Variants in ALDH1A2 observed in about 807,000 individuals in gnomAD.
The protein encoded by ALDH1A2 is retinal dehydrogenase 2.
A neutral mutation model predicts 60.3 loss-of-function variants in ALDH1A2; 27 were observed. The ratio of observed to expected loss-of-function variants is 0.45; its 90% CI spans 0.33 to 0.62. The LOEUF is 0.62. Among genes scored for constraint, ALDH1A2 ranks in the 20% least tolerant of loss-of-function variants. The pLI, the probability that ALDH1A2 is intolerant of heterozygous loss-of-function variation, is 0.02. For missense variants in ALDH1A2, 581 were observed against 643.8 expected, an observed-to-expected ratio of 0.90 and a Z score of 1.06; for synonymous variants, 289 against 232.4, an observed-to-expected ratio of 1.24 and a Z score of -2.21.
intron 7 of ALDH1A2, among the ~76,000 whole-genome samples, chr15:57,971,549 A>C (rs1894066942): frequency 6.6e-6 from 1 of 151,748 alleles, no homozygotes; most frequent in Non-Finnish European, 1.5e-5. Context: ...ACTCAGCCTG[A>C]GTAGCTGGGA....
intron 1 of ALDH1A2, among the ~76,000 whole-genome samples, chr15:58,064,789 C>T (rs1199055521): frequency 6.6e-6 from 1 of 151,814 alleles, no homozygotes. Flanking sequence ...GTAGCAGACG[C>T]ATATTCTTTT....
chr15:57,974,977 C>A lies in ALDH1A2; in HGVS notation c.799-9150G>T, dbSNP rs1339720545. 1.1e-4 allele frequency among the ~76,000 whole-genome samples: 16 copies of A among 152,190 alleles called. 1 individual carries two copies. The highest frequency in any genetic ancestry group is 2.4e-5 in the African/African-American group (1 of 41,458). The stretch of plus-strand genomic sequence containing the variant: ...GCAAATACACAAATGAAAAGACACT[C>A]AATGGTAGAGAATTGGAAATTAAAA... On this transcript the variant is annotated intron_variant, in intron 7 of 12. Transcript: ENST00000249750.
chr15:57,961,305 A>G lies in ALDH1A2; in HGVS notation c.1252-11T>C. The G allele has an allele frequency of 6.2e-7, 1 of 1,613,392 alleles. No individual in the cohort carries two copies. The highest frequency in any genetic ancestry group is 2.2e-5 in the East Asian group (1 of 44,884). On this transcript the variant is annotated splice_polypyrimidine_tract_variant and intron_variant, in intron 10 of 12. Coordinates refer to ENST00000249750, the MANE Select transcript of ALDH1A2 (RefSeq NM_003888.4). Reference sequence around the variant, plus strand: ...AACAGGGCCAAAGATCTGCAAAAAGATAATATGACTCAACATGGTTGCTCT... The same window carrying G: ...AACAGGGCCAAAGATCTGCAAAAAGGTAATATGACTCAACATGGTTGCTCT...
chr15:57,984,558 A>G (rs1894633577), intron 7 of ALDH1A2, among the ~76,000 whole-genome samples: 1 of 152,154 alleles, frequency 6.6e-6, no homozygotes, highest in Admixed American at 6.6e-5. Context: ...GCAACCACTA[A>G]TCAACTTTCT....
At chr15:58,041,726 T>C (rs1160390450) in intron 1 of ALDH1A2, among the ~76,000 whole-genome samples, 3 of 151,966 alleles carry the variant, frequency 2.0e-5, no homozygotes, top group African/African-American at 4.8e-5. Flanking sequence ...CACCTTTGTA[T>C]AGGAGTCCTC....
At chr15:57,989,731 G>A (rs1301111116) in intron 7 of ALDH1A2, among the ~76,000 whole-genome samples, 2 of 151,936 alleles carry the variant, frequency 1.3e-5, no homozygotes, top group Non-Finnish European at 1.5e-5. Context: ...TTGCAAAGGG[G>A]TAGACTGTTT....
At chr15:58,021,315 A>T (rs1281648424) in intron 1 of ALDH1A2, among the ~76,000 whole-genome samples, 1 of 152,194 alleles carries the variant, frequency 6.6e-6, no homozygotes, top group African/African-American at 2.4e-5. Context: ...CTTCAAATAT[A>T]TTATCCAAGA....
At chr15:58,057,700 A>G (rs77196713) in intron 1 of ALDH1A2, among the ~76,000 whole-genome samples, 1 of 152,194 alleles carries the variant, frequency 6.6e-6, no homozygotes, top group Non-Finnish European at 1.5e-5. Flanking sequence ...TCTATCATGA[A>G]CAATAGCTAC....
At chr15:58,014,396 C>T in intron 1 of ALDH1A2, 115 bp from the exon 2 acceptor site, 1 of 871,640 alleles carries the variant, frequency 1.1e-6, no homozygotes. Flanking sequence ...TAAAAGTATA[C>T]AATTTGAAGT....
chr15:58,012,989 T>G (rs548392973), intron 3 of ALDH1A2, among the ~76,000 whole-genome samples: 1 of 152,300 alleles, frequency 6.6e-6, no homozygotes, highest in Admixed American at 6.5e-5. Context: ...AAAGTTTATA[T>G]TCTCTAAGAA....
chr15:58,064,132 A>G (rs2140594716), intron 1 of ALDH1A2, among the ~76,000 whole-genome samples: 1 of 146,532 alleles, frequency 6.8e-6, no homozygotes, highest in East Asian at 2.0e-4. Flanking sequence ...ACCTTTAAAA[A>G]GAGCCTGAAG....
At chr15:57,976,708 A>G (rs1894270908) in intron 7 of ALDH1A2, among the ~76,000 whole-genome samples, 1 of 152,176 alleles carries the variant, frequency 6.6e-6, no homozygotes, top group Non-Finnish European at 1.5e-5. Flanking sequence ...TATTGTGAAT[A>G]GTGCTGCAAT....
intron 1 of ALDH1A2, among the ~76,000 whole-genome samples, chr15:58,063,884 C>G (rs1246632974): frequency 1.3e-5 from 2 of 152,096 alleles, no homozygotes; most frequent in Non-Finnish European, 2.9e-5. Flanking sequence ...CTCCAATTAG[C>G]TATAAATCAG....
At chr15:58,038,738 A>C (rs1436037620) in intron 1 of ALDH1A2, among the ~76,000 whole-genome samples, 1 of 151,760 alleles carries the variant, frequency 6.6e-6, no homozygotes, top group Admixed American at 6.6e-5. Flanking sequence ...TTGTGGTAGA[A>C]GGCAATGGGA....
At chr15:58,003,640 A>G (rs1217524609) in intron 4 of ALDH1A2, among the ~76,000 whole-genome samples, 1 of 151,906 alleles carries the variant, frequency 6.6e-6, no homozygotes, top group Non-Finnish European at 1.5e-5. Flanking sequence ...AATACAAATT[A>G]ACTTCCATTT....
intron 1 of ALDH1A2, among the ~76,000 whole-genome samples, chr15:58,035,373 T>G (rs545022016): frequency 4.1e-4 from 62 of 151,794 alleles, no homozygotes; most frequent in Admixed American, 9.2e-4. Context: ...GTTTAGCAAT[T>G]TTATTAATTT....
At chr15:57,977,698 G>A (rs1260303088) in intron 7 of ALDH1A2, among the ~76,000 whole-genome samples, 1 of 152,086 alleles carries the variant, frequency 6.6e-6, no homozygotes, top group Non-Finnish European at 1.5e-5. Context: ...GCTATACAGG[G>A]TCTTTTTTGA....
intron 12 of ALDH1A2, among the ~76,000 whole-genome samples, chr15:57,959,348 G>A (rs1214920620): frequency 1.3e-5 from 2 of 152,152 alleles, no homozygotes; most frequent in East Asian, 3.9e-4. Flanking sequence ...AGCAAATGAA[G>A]ACATACCTGG....
chr15:57,961,935 T>C (rs1211226836), intron 10 of ALDH1A2, 77 bp downstream of exon 10: 4 of 1,564,742 alleles, frequency 2.6e-6, no homozygotes, highest in Non-Finnish European at 3.5e-6. Flanking sequence ...GCTAAAACTC[T>C]AATATCATCC....
Sources: gnomAD v4.1 joint callset for allele counts (sites outside exome capture counted in the v4.1 genomes callset) on GRCh38, gnomAD v4.1.1 for gene constraint, MANE v1.5 for transcripts, NCBI Gene and HGNC (gene_info 2026-07-23, HGNC 2026-07-21) for gene names.